The following PPM1H variants were observed in gnomAD, a reference collection of about 807,000 sequenced individuals.
PPM1H encodes the protein protein phosphatase 1H.
A neutral mutation model predicts 54.9 loss-of-function variants in PPM1H; 27 were observed. That is an observed-to-expected ratio of 0.49 (90% CI 0.36 to 0.68). PPM1H has a LOEUF of 0.68. Among genes scored for constraint, PPM1H ranks in the 30% least tolerant of loss-of-function variants. The pLI, the probability that PPM1H is intolerant of heterozygous loss-of-function variation, is 0.00. For missense variants in PPM1H, 596 were observed against 667.8 expected (o/e 0.89, Z 1.19); for synonymous variants, 305 against 270.8 (o/e 1.13, Z -1.24).
chr12:62,787,331 T>G (rs952933167), intron 4 of PPM1H, among the ~76,000 whole-genome samples: 1 of 152,172 alleles, frequency 6.6e-6, no homozygotes, highest in Admixed American at 6.5e-5. Context: ...CTCACAGCCC[T>G]TCGGGGGGAA....
chr12:62,826,327 T>C (rs1483447487), intron 2 of PPM1H, among the ~76,000 whole-genome samples: 1 of 152,176 alleles, frequency 6.6e-6, no homozygotes, highest in Non-Finnish European at 1.5e-5. Flanking sequence ...TGCTTGCCGG[T>C]AATCCCAGCT....
At chr12:62,896,782 T>C (rs959464619) in intron 1 of PPM1H, among the ~76,000 whole-genome samples, 1 of 152,168 alleles carries the variant, frequency 6.6e-6, no homozygotes, top group Non-Finnish European at 1.5e-5. Flanking sequence ...ATCATGCTGC[T>C]ATAAAGACAC....
chr12:62,824,620 T>G (rs1868268309), intron 2 of PPM1H, among the ~76,000 whole-genome samples: 1 of 152,156 alleles, frequency 6.6e-6, no homozygotes, highest in Non-Finnish European at 1.5e-5. Context: ...ATCTGATCTT[T>G]GACAAACCTG....
intron 1 of PPM1H, among the ~76,000 whole-genome samples, chr12:62,842,847 C>T (rs1038157901): frequency 5.9e-5 from 9 of 152,170 alleles, no homozygotes; most frequent in African/African-American, 2.2e-4. Flanking sequence ...CTTTTAAGAG[C>T]AGAGAGACTC....
At chr12:62,933,172 GCCT>G (rs1298422513) in intron 1 of PPM1H, among the ~76,000 whole-genome samples, 2 of 152,078 alleles carry the variant, frequency 1.3e-5, no homozygotes, top group Non-Finnish European at 2.9e-5. Context: ...GCGCATTTCT[GCCT>G]CCTCACTTTC....
chr12:62,654,763 G>T (rs1445741802), intron 9 of PPM1H, among the ~76,000 whole-genome samples: 7 of 152,166 alleles, frequency 4.6e-5, no homozygotes. Context: ...CTTTTCCTGT[G>T]TGGTAAACCT....
At chr12:62,662,867 A>C (rs2075892823) in intron 9 of PPM1H, among the ~76,000 whole-genome samples, 1 of 152,192 alleles carries the variant, frequency 6.6e-6, no homozygotes. Flanking sequence ...CTCCTCTCAA[A>C]GTAACCATTA....
chr12:62,727,599 G>T (rs2076296852), intron 5 of PPM1H, among the ~76,000 whole-genome samples: 1 of 150,702 alleles, frequency 6.6e-6, no homozygotes, highest in African/African-American at 2.4e-5. Context: ...GCCTGCAGAT[G>T]AGAAACCTAT....
chr12:62,805,370 GA>G (rs2076800155), intron 2 of PPM1H, among the ~76,000 whole-genome samples: 1 of 152,114 alleles, frequency 6.6e-6, no homozygotes, highest in Non-Finnish European at 1.5e-5. Flanking sequence ...ATAACAAAAG[GA>G]AATGAAATCA....
At chr12:62,854,996 A>G (rs1186815477) in intron 1 of PPM1H, among the ~76,000 whole-genome samples, 1 of 152,170 alleles carries the variant, frequency 6.6e-6, no homozygotes, top group Non-Finnish European at 1.5e-5. Context: ...GGTAACTAAT[A>G]TAGTTTCCTC....
At chr12:62,858,208 T>A (rs1435047970) in intron 1 of PPM1H, among the ~76,000 whole-genome samples, 1 of 152,110 alleles carries the variant, frequency 6.6e-6, no homozygotes, top group Non-Finnish European at 1.5e-5. Flanking sequence ...TAATCAGGTA[T>A]CTTTCTACCC....
At chr12:62,701,914 C>T (rs1289243244) in intron 6 of PPM1H, among the ~76,000 whole-genome samples, 1 of 152,204 alleles carries the variant, frequency 6.6e-6, no homozygotes, top group Non-Finnish European at 1.5e-5. Context: ...CACATTAACT[C>T]CATAAAGGCA....
At chr12:62,739,341 G>A (rs1301674303) in intron 4 of PPM1H, among the ~76,000 whole-genome samples, 1 of 152,044 alleles carries the variant, frequency 6.6e-6, no homozygotes, top group Non-Finnish European at 1.5e-5. Flanking sequence ...AGGTGAGTAT[G>A]ACTATAACAA....
chr12:62,842,755 C>T (rs1868802563), intron 1 of PPM1H, among the ~76,000 whole-genome samples: 1 of 152,178 alleles, frequency 6.6e-6, no homozygotes, highest in Admixed American at 6.5e-5. Flanking sequence ...TCCACCTAAA[C>T]ATACAGCAAA....
Position 62,832,115 on chromosome 12 carries a change from G to A in PPM1H, c.410C>T (p.Ser137Leu), listed in dbSNP as rs775923431. The A allele has an allele frequency of 9.3e-6, 15 of 1,613,484 alleles. No homozygotes were observed. Among genetic ancestry groups the A allele is most frequent in the Middle Eastern group, 1.6e-4 (1 of 6,084 alleles). Residue 137 changes from serine to leucine, a missense_variant and splice_region_variant, in exon 2 of 10, where the codon TCG becomes TTG. By Grantham distance (145) the Ser-to-Leu change is moderately radical. Around this residue, in one of 3 missense-constraint regions of PPM1H, gnomAD observed 382 missense variants for 387.1 expected, o/e 0.99. Coordinates refer to ENST00000228705, the MANE Select transcript of PPM1H (RefSeq NM_020700.2). ...ACCAAGGATCGAGAAGGGTCTTACC[G>A]AGTTCTCCTTCAGCTGCAGCCCTTC... is the stretch of plus-strand genomic sequence containing the variant. ...NGEGLQLKEN[S>L]ESEGVSCHYW...
intron 8 of PPM1H, among the ~76,000 whole-genome samples, chr12:62,670,115 T>C (rs576190205): frequency 5.9e-4 from 90 of 151,344 alleles, no homozygotes; most frequent in Non-Finnish European, 1.2e-3. Flanking sequence ...GTAGCTGGGA[T>C]TACAGGCATG....
At chr12:62,851,054 C>T (rs1276690518) in intron 1 of PPM1H, among the ~76,000 whole-genome samples, 2 of 152,050 alleles carry the variant, frequency 1.3e-5, no homozygotes, top group African/African-American at 4.8e-5. Context: ...TTTTTTAATG[C>T]TGTCTACTCA....
chr12:62,728,584 A>G (rs757056983), intron 5 of PPM1H, among the ~76,000 whole-genome samples: 1 of 152,226 alleles, frequency 6.6e-6, no homozygotes, highest in Non-Finnish European at 1.5e-5. Flanking sequence ...CACCTTCCAG[A>G]ACCTTCCAGT....
At chr12:62,845,708 C>T (rs992055104) in intron 1 of PPM1H, among the ~76,000 whole-genome samples, 11 of 152,208 alleles carry the variant, frequency 7.2e-5, no homozygotes, top group Non-Finnish European at 1.6e-4. Context: ...CATTTAAGAT[C>T]CAAACACTAA....
Sources: allele counts gnomAD v4.1 joint callset (sites outside exome capture counted in the v4.1 genomes callset), GRCh38; gene constraint gnomAD v4.1.1; regional missense constraint gnomAD v4.1.1; transcripts MANE v1.5; gene names NCBI Gene and HGNC (gene_info 2026-07-23, HGNC 2026-07-21).